Variants in ZNF385D observed in about 807,000 individuals in gnomAD.
The protein encoded by ZNF385D is zinc finger protein 385D.
ZNF385D carries 15 observed loss-of-function variants against 35.8 expected under a neutral mutation model. The ratio of observed to expected loss-of-function variants is 0.42; its 90% CI spans 0.28 to 0.64. The LOEUF is 0.64. Among genes scored for constraint, ZNF385D ranks in the 30% least tolerant of loss-of-function variants. The pLI is 0.23. For missense variants in ZNF385D, 474 were observed against 494.6 expected (o/e 0.96, Z 0.39); for synonymous variants, 212 against 186.8 (o/e 1.13, Z -1.10).
Position 21,646,801 on chromosome 3 carries a change from G to A in ZNF385D, c.165+18085C>T, listed in dbSNP as rs1055422773. Among the ~76,000 whole-genome samples the A allele has an allele frequency of 2.0e-5, 3 of 152,156 alleles. No individual in the cohort carries two copies. Among genetic ancestry groups the A allele is most frequent in the Admixed American group, 1.3e-4 (2 of 15,278 alleles). Reference sequence around the variant, plus strand: ...CTGGGCCTATGGCTTTCATACATTCGGTCACAAATAGAAAGCAATGTTAAG... The same window carrying A: ...CTGGGCCTATGGCTTTCATACATTCAGTCACAAATAGAAAGCAATGTTAAG... On this transcript the variant is annotated intron_variant, in intron 2 of 7. Coordinates refer to ENST00000281523, the MANE Select transcript of ZNF385D (RefSeq NM_024697.3). This position sits in a 1 kb window ranked among gnomAD's most constrained non-coding sequence, Gnocchi z 4.3.
rs1352933604 is a variant in ZNF385D at position 21,985,597 on chromosome 3, A to T, written c.325+183220T>A. ...TATTTTATTGAGGATTTTTGCATCA[A>T]TGTTCATCAAGGGTATTGGTCTAAA... On this transcript the variant is annotated intron_variant, in intron 3 of 5. Transcript: ENST00000494108. Among the ~76,000 whole-genome samples, 7 of 140,038 alleles carry T rather than the reference A, an allele frequency of 5.0e-5. No individual in the cohort carries two copies. In the East Asian group the frequency reaches 9.8e-4, roughly 20 times the overall value. 91.9% of individuals were successfully genotyped at this position (140,038 alleles called of 152,430 possible). A position where few individuals can be genotyped will look rare whatever the true frequency, so the allele number is the denominator to read the frequency against.
chr3:21,818,256 C>G (rs2073240395), intron 3 of ZNF385D, among the ~76,000 whole-genome samples: 1 of 152,110 alleles, frequency 6.6e-6, no homozygotes, highest in South Asian at 2.1e-4. Context: ...GTGCATCACA[C>G]CAACATGGCA....
chr3:22,206,238 T>C (rs1003996801), intron 2 of ZNF385D, among the ~76,000 whole-genome samples: 11 of 151,972 alleles, frequency 7.2e-5, no homozygotes, highest in African/African-American at 2.7e-4. Context: ...ACAACAATTG[T>C]AAATATATAT....
At chr3:21,910,250 C>T (rs1413560270) in intron 3 of ZNF385D, among the ~76,000 whole-genome samples, 1 of 151,876 alleles carries the variant, frequency 6.6e-6, no homozygotes, top group Non-Finnish European at 1.5e-5. Context: ...TACCATTTGC[C>T]AGGCATTATA....
At chr3:21,960,463 A>T (rs913305656) in intron 3 of ZNF385D, among the ~76,000 whole-genome samples, 5 of 148,216 alleles carry the variant, frequency 3.4e-5, no homozygotes, top group Non-Finnish European at 7.5e-5. Flanking sequence ...GCAGTAAAAA[A>T]CGGATCCCTT....
chr3:22,344,526 A>G (rs900417361), intron 2 of ZNF385D, among the ~76,000 whole-genome samples: 1 of 152,012 alleles, frequency 6.6e-6, no homozygotes, highest in African/African-American at 2.4e-5. Context: ...AGTATCTAGG[A>G]CTACAGTTGC....
At chr3:21,477,256 AAAAC>A (rs1376325031) in intron 4 of ZNF385D, among the ~76,000 whole-genome samples, 1 of 151,918 alleles carries the variant, frequency 6.6e-6, no homozygotes, top group African/African-American at 2.4e-5. Flanking sequence ...AAAACTAAAC[AAAAC>A]AAACAAAACA....
intron 2 of ZNF385D, among the ~76,000 whole-genome samples, chr3:22,314,835 T>A (rs1703795881): frequency 6.6e-6 from 1 of 152,096 alleles, no homozygotes; most frequent in African/African-American, 2.4e-5. Context: ...ACTATGTGGT[T>A]TCCTGGAGGT....
chr3:21,781,089 C>T (rs1012878536), intron 3 of ZNF385D, among the ~76,000 whole-genome samples: 2 of 151,858 alleles, frequency 1.3e-5, no homozygotes, highest in African/African-American at 2.4e-5. Context: ...GATGGAGAAG[C>T]TAGGAGATAA....
chr3:21,724,991 C>T (rs1274070418), intron 1 of ZNF385D, among the ~76,000 whole-genome samples: 2 of 152,130 alleles, frequency 1.3e-5, no homozygotes, highest in African/African-American at 4.8e-5. Flanking sequence ...TCTCTCAGAC[C>T]ACAGTGCAAT....
At chr3:22,305,905 C>G (rs975452921) in intron 2 of ZNF385D, among the ~76,000 whole-genome samples, 3 of 152,140 alleles carry the variant, frequency 2.0e-5, no homozygotes, top group African/African-American at 7.2e-5. Flanking sequence ...CAAACAGTTT[C>G]TAAATATTCT....
intron 2 of ZNF385D, among the ~76,000 whole-genome samples, chr3:22,233,580 A>C (rs1699015594): frequency 6.6e-6 from 1 of 152,140 alleles, no homozygotes; most frequent in Non-Finnish European, 1.5e-5. Context: ...TACCTCCATA[A>C]ACTTAAGAAA....
chr3:22,032,283 G>C (rs1698046316), intron 3 of ZNF385D, among the ~76,000 whole-genome samples: 1 of 152,204 alleles, frequency 6.6e-6, no homozygotes, highest in South Asian at 2.1e-4. Context: ...TACCAGGCTG[G>C]GGAGGACTCA....
chr3:22,223,863 T>C (rs1559463048), intron 2 of ZNF385D, among the ~76,000 whole-genome samples: 2 of 152,170 alleles, frequency 1.3e-5, no homozygotes. Context: ...CTAGTAATTC[T>C]GATTGGTTTA....
rs547597750 is a variant in ZNF385D, at chr3:22,125,121, T to C, written c.325+43696A>G. ...GGAAAAAAGATAGCAGCTAGTCCCA[T>C]TCTTTTGCATACATATGTTCAGTTT... On this transcript the variant is annotated intron_variant, in intron 3 of 5. Coordinates refer to the ZNF385D transcript ENST00000494108. 2.6e-5 allele frequency among the ~76,000 whole-genome samples: 4 copies of C among 152,274 alleles called. No individual in the cohort carries two copies. In the South Asian group the frequency reaches 8.3e-4, roughly 32 times the overall value.
At chr3:22,004,638 T>C (rs1374083363) in intron 3 of ZNF385D, among the ~76,000 whole-genome samples, 1 of 152,132 alleles carries the variant, frequency 6.6e-6, no homozygotes, top group Non-Finnish European at 1.5e-5. Flanking sequence ...AAATGTTACA[T>C]ACCTCCCTCA....
At chr3:21,678,642 G>C (rs2066804440) in intron 1 of ZNF385D, among the ~76,000 whole-genome samples, 1 of 152,074 alleles carries the variant, frequency 6.6e-6, no homozygotes, top group Non-Finnish European at 1.5e-5. Flanking sequence ...TTGTGCTTTT[G>C]AACGGACATT....
intron 3 of ZNF385D, among the ~76,000 whole-genome samples, chr3:21,939,258 C>T (rs1701403633): frequency 6.6e-6 from 1 of 152,170 alleles, no homozygotes; most frequent in South Asian, 2.1e-4. Context: ...GGCTCTAAAT[C>T]AGGGGTTTAA....
chr3:21,555,293 T>A (rs1190293999), intron 3 of ZNF385D, among the ~76,000 whole-genome samples: 2 of 151,944 alleles, frequency 1.3e-5, no homozygotes, highest in East Asian at 1.9e-4. Flanking sequence ...GGTATACATG[T>A]GCTATGGTGG....
Sources: allele counts gnomAD v4.1 joint callset (sites outside exome capture counted in the v4.1 genomes callset), GRCh38; gene constraint gnomAD v4.1.1; non-coding constraint Gnocchi (gnomAD v3.1); transcripts MANE v1.5; gene names NCBI Gene and HGNC (gene_info 2026-07-23, HGNC 2026-07-21).